WWOX: variants seen among roughly 807,000 people sequenced by gnomAD.
The protein encoded by WWOX is WW domain-containing oxidoreductase.
In WWOX, 69 loss-of-function variants were observed where a neutral mutation model predicts 46.2. The ratio of observed to expected loss-of-function variants is 1.49; its 90% confidence interval spans 1.23 to 1.82. WWOX has a LOEUF of 1.82. WWOX is among the 40% of genes most tolerant of loss of function. The probability of loss-of-function intolerance (pLI) is 0.00; values close to 1 mark genes in which losing one functional copy is unlikely to be tolerated. For synonymous variants in WWOX, 359 were observed against 202.6 expected (o/e 1.77, Z -6.56); for missense variants, 919 against 542.6 (o/e 1.69, Z -6.89).
At chr16:78,909,139 T>G (rs1226007269) in intron 8 of WWOX, among the ~76,000 whole-genome samples, 5 of 152,206 alleles carry the variant, frequency 3.3e-5, no homozygotes, top group Admixed American at 3.3e-4. Flanking sequence ...AGAAGCAAGA[T>G]AGAGTCAGTT....
At chr16:78,672,555 G>T (rs1449464087) in intron 8 of WWOX, among the ~76,000 whole-genome samples, 1 of 152,224 alleles carries the variant, frequency 6.6e-6, no homozygotes, top group Non-Finnish European at 1.5e-5. Context: ...CATGGCAAGA[G>T]AAGTCATTGC....
chr16:79,097,324 G>A (rs147096776), intron 8 of WWOX, among the ~76,000 whole-genome samples: 1 of 151,206 alleles, frequency 6.6e-6, no homozygotes, highest in Non-Finnish European at 1.5e-5. Flanking sequence ...CCAGCAGGAT[G>A]CATATTTGTA....
intron 5 of WWOX, among the ~76,000 whole-genome samples, chr16:78,239,016 C>G (rs150317903): frequency 3.3e-5 from 5 of 152,154 alleles, no homozygotes; most frequent in African/African-American, 1.2e-4. Flanking sequence ...CTCTCCACTT[C>G]GTGGACTCCT....
intron 8 of WWOX, among the ~76,000 whole-genome samples, chr16:79,153,605 G>C (rs146276705): frequency 3.9e-4 from 59 of 152,212 alleles, no homozygotes; most frequent in African/African-American, 1.4e-3. Context: ...TGTCCAAAAA[G>C]CAATAAAGAA....
chr16:78,771,673 G>A (rs1009231452), intron 8 of WWOX, among the ~76,000 whole-genome samples: 2 of 152,100 alleles, frequency 1.3e-5, no homozygotes, highest in African/African-American at 4.8e-5. Context: ...TTGGAAGGCT[G>A]AAGCAGGAGA....
At chr16:78,882,440 A>G (rs889667131) in intron 8 of WWOX, among the ~76,000 whole-genome samples, 1 of 151,208 alleles carries the variant, frequency 6.6e-6, no homozygotes, top group Non-Finnish European at 1.5e-5. Context: ...AAGCTCCACT[A>G]CAGCTGGAGA....
chr16:78,998,200 A>C (rs1335532832), intron 8 of WWOX, among the ~76,000 whole-genome samples: 1 of 152,162 alleles, frequency 6.6e-6, no homozygotes, highest in Non-Finnish European at 1.5e-5. Flanking sequence ...TCTTTAAGAA[A>C]ACTGCACCAT....
intron 4 of WWOX, among the ~76,000 whole-genome samples, chr16:78,125,001 G>A (rs1265593200): frequency 6.6e-6 from 1 of 152,110 alleles, no homozygotes. Flanking sequence ...CATATAAAGA[G>A]GAACAAAATC....
At chr16:78,283,346 CA>C (rs2079712985) in intron 5 of WWOX, among the ~76,000 whole-genome samples, 1 of 152,182 alleles carries the variant, frequency 6.6e-6, no homozygotes, top group South Asian at 2.1e-4. Flanking sequence ...TGCAGGTGTA[CA>C]GACTGACATC....
At chr16:78,716,088 C>T (rs549102317) in intron 8 of WWOX, among the ~76,000 whole-genome samples, 2 of 152,094 alleles carry the variant, frequency 1.3e-5, no homozygotes, top group Middle Eastern at 3.4e-3. Context: ...ATCAGACAGT[C>T]ACATTGAAAT....
intron 8 of WWOX, among the ~76,000 whole-genome samples, chr16:78,441,961 T>A (rs1483019329): frequency 9.1e-6 from 1 of 109,396 alleles, no homozygotes; most frequent in Non-Finnish European, 1.7e-5. Flanking sequence ...TGCGCATGAG[T>A]GTGTGTGTGT....
intron 5 of WWOX, among the ~76,000 whole-genome samples, chr16:78,318,417 C>T (rs1278405248): frequency 1.3e-5 from 2 of 151,904 alleles, no homozygotes; most frequent in African/African-American, 2.4e-5. Context: ...TCAGCCTGGG[C>T]GACAAGAGCG....
intron 8 of WWOX, among the ~76,000 whole-genome samples, chr16:78,724,835 A>G (rs8054460): frequency 0.034 from 5,242 of 152,272 alleles, 311 homozygotes; most frequent in African/African-American, 0.12. Flanking sequence ...ACATATCTCC[A>G]TCTGATTCTT....
intron 6 of WWOX, among the ~76,000 whole-genome samples, chr16:78,412,939 C>G (rs1158280090): frequency 1.3e-5 from 2 of 152,130 alleles, no homozygotes; most frequent in Admixed American, 6.6e-5. Flanking sequence ...CTTTTTTACC[C>G]TCTTTGTTTT....
intron 8 of WWOX, among the ~76,000 whole-genome samples, chr16:78,815,105 G>A (rs1325451155): frequency 6.6e-6 from 1 of 152,132 alleles, no homozygotes. Context: ...TGGGCAGATT[G>A]TCTGAGGTCA....
intron 8 of WWOX, among the ~76,000 whole-genome samples, chr16:78,727,455 G>A (rs1168715691): frequency 2.6e-5 from 4 of 152,096 alleles, no homozygotes; most frequent in Non-Finnish European, 5.9e-5. Context: ...CTGGTGATCT[G>A]AATACATCAC....
chr16:78,734,400 C>A (rs933378245), intron 8 of WWOX, among the ~76,000 whole-genome samples: 1 of 152,120 alleles, frequency 6.6e-6, no homozygotes, highest in Non-Finnish European at 1.5e-5. Context: ...CTATGATAGC[C>A]CTAATTGGAA....
At chr16:78,884,359 C>A (rs76162991) in intron 8 of WWOX, among the ~76,000 whole-genome samples, 2 of 146,548 alleles carry the variant, frequency 1.4e-5, no homozygotes, top group African/African-American at 5.0e-5. Flanking sequence ...AAGACAAGTA[C>A]AAGAGTGTGT....
intron 8 of WWOX, chr16:78,896,131 A>G (rs1279340242): frequency 6.6e-6 from 1 of 152,216 alleles, no homozygotes; most frequent in African/African-American, 2.4e-5. Flanking sequence ...AGTAGGTTTT[A>G]TAAAAGAAGG....
Sources: allele counts gnomAD v4.1 joint callset (sites outside exome capture counted in the v4.1 genomes callset), GRCh38; gene constraint gnomAD v4.1.1; transcripts MANE v1.5; gene names NCBI Gene and HGNC (gene_info 2026-07-23, HGNC 2026-07-21).